SETBP1: variants seen among roughly 807,000 people sequenced by gnomAD.
SETBP1 encodes SET-binding protein.
A neutral mutation model predicts 101.0 loss-of-function variants in SETBP1; 9 were observed. The observed-to-expected ratio is 0.09, with a 90% CI of 0.05 to 0.16. SETBP1 has a LOEUF of 0.16. Among genes scored for constraint, SETBP1 ranks in the 10% least tolerant of loss-of-function variants. The probability of loss-of-function intolerance (pLI) is 1.00; values close to 1 mark genes in which losing one functional copy is unlikely to be tolerated. For synonymous variants in SETBP1, 818 were observed against 788.5 expected (o/e 1.04, Z -0.63); for missense variants, 1,858 against 2,033.8 (o/e 0.91, Z 1.66).
chr18:44,691,201 T>A, intron 1 of SETBP1, among the ~76,000 whole-genome samples: 1 of 152,204 alleles, frequency 6.6e-6, no homozygotes. Flanking sequence ...GCACAGAAAG[T>A]GTGTGCTCTT....
intron 2 of SETBP1, among the ~76,000 whole-genome samples, chr18:44,763,682 G>A (rs2070706757): frequency 6.6e-6 from 1 of 152,170 alleles, no homozygotes; most frequent in South Asian, 2.1e-4. Flanking sequence ...ATAATCTTTG[G>A]AGAGATATCC....
chr18:44,957,387 A>G (rs1021154869), intron 4 of SETBP1, among the ~76,000 whole-genome samples: 3 of 152,182 alleles, frequency 2.0e-5, no homozygotes, highest in Non-Finnish European at 4.4e-5. Context: ...ATAATTAAAA[A>G]AAAAAAATGA....
intron 3 of SETBP1, among the ~76,000 whole-genome samples, chr18:44,892,698 C>G (rs1156729271): frequency 4.6e-5 from 7 of 152,088 alleles, no homozygotes; most frequent in African/African-American, 1.4e-4. Context: ...ATTGAAACTT[C>G]TATCTACTGG....
chr18:45,033,773 C>T (rs1028582371), intron 4 of SETBP1, among the ~76,000 whole-genome samples: 3 of 152,176 alleles, frequency 2.0e-5, no homozygotes, highest in African/African-American at 4.8e-5. Flanking sequence ...ATGACTCCAT[C>T]GCCTCTTTTA....
intron 2 of SETBP1, among the ~76,000 whole-genome samples, chr18:44,793,944 GTT>G: frequency 6.6e-6 from 1 of 152,300 alleles, no homozygotes; most frequent in East Asian, 1.9e-4. Flanking sequence ...TACAGAATAT[GTT>G]AATTGCAAAA....
At chr18:44,843,433 C>T (rs1599209361) in intron 2 of SETBP1, among the ~76,000 whole-genome samples, 2 of 152,256 alleles carry the variant, frequency 1.3e-5, no homozygotes, top group African/African-American at 4.8e-5. Context: ...TGACCCACTG[C>T]CCTCACAGGA....
At chr18:44,934,528 C>T (rs188000538) in intron 3 of SETBP1, among the ~76,000 whole-genome samples, 14 of 152,234 alleles carry the variant, frequency 9.2e-5, no homozygotes, top group African/African-American at 2.4e-4. Context: ...AGCTGGGATT[C>T]GAACTTGTTT....
intron 2 of SETBP1, among the ~76,000 whole-genome samples, chr18:44,806,469 C>T (rs1197680960): frequency 6.6e-6 from 1 of 151,944 alleles, no homozygotes; most frequent in East Asian, 1.9e-4. Context: ...TCTGCTATCA[C>T]AAAGATATCT....
intron 2 of SETBP1, among the ~76,000 whole-genome samples, chr18:44,855,363 G>A (rs547349290): frequency 1.4e-4 from 21 of 152,042 alleles, no homozygotes; most frequent in African/African-American, 4.8e-4. Context: ...AAATATTTAT[G>A]TAATGAATTC....
chr18:44,978,768 T>G (rs2072046080), intron 4 of SETBP1, among the ~76,000 whole-genome samples: 1 of 152,186 alleles, frequency 6.6e-6, no homozygotes, highest in African/African-American at 2.4e-5. Context: ...ACTGCAGACA[T>G]GGGGTGGCTG....
At chr18:44,684,393 G>T (rs1389679006) in intron 1 of SETBP1, among the ~76,000 whole-genome samples, 1 of 152,126 alleles carries the variant, frequency 6.6e-6, no homozygotes, top group Non-Finnish European at 1.5e-5. Flanking sequence ...TTTTTGCTTA[G>T]CTCTGAGTTT....
At chr18:44,948,190 A>G (rs1277630156) in intron 3 of SETBP1, among the ~76,000 whole-genome samples, 1 of 152,178 alleles carries the variant, frequency 6.6e-6, no homozygotes, top group Non-Finnish European at 1.5e-5. Context: ...AAAAAATTAA[A>G]TTGTTTTCTT....
intron 4 of SETBP1, among the ~76,000 whole-genome samples, chr18:44,999,564 G>A (rs2072572467): frequency 6.6e-6 from 1 of 152,140 alleles, no homozygotes; most frequent in Admixed American, 6.5e-5. Flanking sequence ...TCATGAAGTT[G>A]GTGCTTTGTC....
chr18:44,770,823 G>T (rs1481806552), intron 2 of SETBP1, among the ~76,000 whole-genome samples: 1 of 15,706 alleles, frequency 6.4e-5, no homozygotes, highest in South Asian at 1.2e-3. Flanking sequence ...AGAAAAGTTG[G>T]ATTCCAGAAG....
chr18:44,953,155 G>A lies in SETBP1; in HGVS notation c.3815G>A (p.Ser1272Asn). The A allele has an allele frequency of 6.2e-7, 1 of 1,614,078 alleles. No homozygotes were observed. Among genetic ancestry groups the A allele is most frequent in the Non-Finnish European group, 8.5e-7 (1 of 1,180,010 alleles). The change falls in exon 4 of 6, where the codon AGC becomes AAC. Residue 1272 changes from serine (S) to asparagine (N), a missense_variant. Around this residue, in one of 12 missense-constraint regions of SETBP1, gnomAD observed 417 missense variants for 389.1 expected, o/e 1.07. Coordinates refer to ENST00000649279, the MANE Select transcript of SETBP1 (RefSeq NM_015559.3). ...TCTGGCAGTGGCGGGGATGGTGGCA[G>A]CACGAGATCAGAGAACCTGGACGTG... ...RYSGSGGDGG[S>N]TRSENLDVFS... is the part of the protein sequence containing the mutation.
intron 3 of SETBP1, among the ~76,000 whole-genome samples, chr18:44,945,157 A>G (rs2071175778): frequency 6.6e-6 from 1 of 152,134 alleles, no homozygotes; most frequent in Admixed American, 6.6e-5. Context: ...CTCCCCGCCC[A>G]CCACCAAAAG....
At chr18:44,747,412 A>G (rs1356650105) in intron 2 of SETBP1, among the ~76,000 whole-genome samples, 1 of 150,872 alleles carries the variant, frequency 6.6e-6, no homozygotes, top group African/African-American at 2.5e-5. Flanking sequence ...TCCTCAGAAG[A>G]AAAAAAAAAT....
At chr18:44,856,378 C>T (rs1229370137) in intron 2 of SETBP1, among the ~76,000 whole-genome samples, 1 of 152,134 alleles carries the variant, frequency 6.6e-6, no homozygotes, top group Non-Finnish European at 1.5e-5. Context: ...AGAGCATGTC[C>T]CTGGGCAAGT....
intron 2 of SETBP1, among the ~76,000 whole-genome samples, chr18:44,854,326 A>T (rs573775435): frequency 6.6e-6 from 1 of 152,294 alleles, no homozygotes; most frequent in African/African-American, 2.4e-5. Context: ...CACTGCGTTT[A>T]TCTGGGATTT....
Sources: gnomAD v4.1 joint callset for allele counts (sites outside exome capture counted in the v4.1 genomes callset) on GRCh38, gnomAD v4.1.1 for gene constraint, gnomAD v4.1.1 regional missense constraint, MANE v1.5 for transcripts, NCBI Gene and HGNC (gene_info 2026-07-23, HGNC 2026-07-21) for gene names.